APC: variants seen among roughly 807,000 people sequenced by gnomAD.
APC encodes the protein APC regulator of Wnt signaling pathway, also known as adenomatous polyposis coli protein.
In APC, 72 loss-of-function variants were observed where a neutral mutation model predicts 247.0. The observed-to-expected ratio is 0.29, with a 90% CI of 0.24 to 0.35. The LOEUF is 0.35. Ranked by LOEUF, APC falls within the 10% of genes least tolerant of loss-of-function variation. The pLI, the probability that APC is intolerant of heterozygous loss-of-function variation, is 1.00. For synonymous variants in APC, 1,254 were observed against 1,162.5 expected (o/e 1.08, Z -1.60); for missense variants, 3,400 against 3,360.7 (o/e 1.01, Z -0.29).
chr5:112,723,668 CA>C (rs1751607554), intron 1 of APC, among the ~76,000 whole-genome samples: 1 of 152,074 alleles, frequency 6.6e-6, no homozygotes, highest in Admixed American at 6.5e-5. Flanking sequence ...GCCCTGCCCA[CA>C]AAAAACCATT....
At chr5:112,719,835 G>A (rs555521594) in intron 1 of APC, among the ~76,000 whole-genome samples, 19 of 152,216 alleles carry the variant, frequency 1.2e-4, no homozygotes, top group Admixed American at 1.2e-3. Flanking sequence ...GCGCCACTGC[G>A]CCCAGCCAAT....
At chr5:112,836,642 CTTTAA>C (rs1377198173) in intron 15 of APC, among the ~76,000 whole-genome samples, 3 of 152,170 alleles carry the variant, frequency 2.0e-5, no homozygotes, top group Admixed American at 6.5e-5. Context: ...GTTTCAAAAA[CTTTAA>C]TTTACTTGAT....
At chr5:112,773,996 T>A (rs1373498486) in intron 4 of APC, among the ~76,000 whole-genome samples, 1 of 152,184 alleles carries the variant, frequency 6.6e-6, no homozygotes, top group Admixed American at 6.5e-5. Context: ...TGGTATAACA[T>A]CTCACAAGGG....
At chr5:112,783,581 C>T (rs1758597599) in intron 6 of APC, among the ~76,000 whole-genome samples, 1 of 149,612 alleles carries the variant, frequency 6.7e-6, no homozygotes, top group South Asian at 2.1e-4. Context: ...TCACTTGAGC[C>T]CAGGAGTTCG....
At chr5:112,835,277 T>C (rs1764762479) in intron 15 of APC, 112 bp downstream of exon 15, 2 of 927,114 alleles carry the variant, frequency 2.2e-6, no homozygotes, top group African/African-American at 3.3e-5. Flanking sequence ...AAAATATATT[T>C]ATTACTGTGA....
At chr5:112,782,263 C>T (rs1758432256) in intron 6 of APC, among the ~76,000 whole-genome samples, 1 of 152,096 alleles carries the variant, frequency 6.6e-6, no homozygotes, top group Non-Finnish European at 1.5e-5. Context: ...TATTTACTAT[C>T]ACAAGAACAG....
At chr5:112,708,708 T>G (rs746631958) in intron 1 of APC, among the ~76,000 whole-genome samples, 2 of 152,254 alleles carry the variant, frequency 1.3e-5, no homozygotes, top group Non-Finnish European at 2.9e-5. Context: ...TTGTTTCTAT[T>G]TAGAAAGGAC....
chr5:112,711,707 C>G (rs76969458), intron 1 of APC, among the ~76,000 whole-genome samples: 398 of 152,124 alleles, frequency 2.6e-3, no homozygotes, highest in African/African-American at 4.7e-3. Flanking sequence ...GGTGACAGAA[C>G]GAGACCCCAT....
At chr5:112,813,193 T>C (rs907289511) in intron 8 of APC, among the ~76,000 whole-genome samples, 3 of 152,234 alleles carry the variant, frequency 2.0e-5, no homozygotes, top group Non-Finnish European at 4.4e-5. Context: ...AAGATTAGTA[T>C]GTGATAAAAT....
At chr5:112,831,626 A>T (rs1282307856) in intron 14 of APC, among the ~76,000 whole-genome samples, 2 of 152,182 alleles carry the variant, frequency 1.3e-5, no homozygotes, top group Non-Finnish European at 2.9e-5. Flanking sequence ...GCTCCCCTGC[A>T]TGTTCCACAT....
At chr5:112,770,817 G>T (rs922264722) in intron 4 of APC, among the ~76,000 whole-genome samples, 7 of 151,964 alleles carry the variant, frequency 4.6e-5, no homozygotes, top group Admixed American at 6.6e-5. Context: ...TTTTAATTCT[G>T]TACCAATTCT....
intron 1 of APC, among the ~76,000 whole-genome samples, chr5:112,747,581 TA>T (rs1415736497): frequency 1.3e-5 from 2 of 152,220 alleles, no homozygotes; most frequent in African/African-American, 4.8e-5. Flanking sequence ...GCTAGTGAAT[TA>T]ATCTCCCAAA....
At chr5:112,818,827 G>A in intron 9 of APC, 139 bp from the exon 10 acceptor site, 6 of 868,610 alleles carry the variant, frequency 6.9e-6, no homozygotes, top group Non-Finnish European at 1.0e-5. Context: ...AGGTTTTCCG[G>A]TTTTTTGTTT....
intron 1 of APC, among the ~76,000 whole-genome samples, chr5:112,729,248 A>G (rs564560892): frequency 1.3e-5 from 2 of 152,306 alleles, no homozygotes; most frequent in East Asian, 3.9e-4. Flanking sequence ...CATGGGATTT[A>G]TATTCCACTT....
intron 1 of APC, 35 bp from the exon 2 acceptor site, chr5:112,754,838 A>G (rs968608082): frequency 6.2e-7 from 1 of 1,606,972 alleles, no homozygotes; most frequent in Non-Finnish European, 8.5e-7. Flanking sequence ...TAAATTTTTT[A>G]GTAGTGAATT....
intron 1 of APC, among the ~76,000 whole-genome samples, chr5:112,714,775 T>G (rs1378739191): frequency 1.3e-5 from 2 of 152,202 alleles, no homozygotes; most frequent in Non-Finnish European, 2.9e-5. Flanking sequence ...CTTTACAATC[T>G]ATATATCACA....
At chr5:112,823,980 C>A (rs1049503226) in intron 11 of APC, among the ~76,000 whole-genome samples, 11 of 152,146 alleles carry the variant, frequency 7.2e-5, no homozygotes, top group Non-Finnish European at 5.9e-5. Flanking sequence ...TCTTGTTGAG[C>A]CTGTGATATT....
At chr5:112,790,520 G>A (rs960613340) in intron 6 of APC, among the ~76,000 whole-genome samples, 2 of 152,174 alleles carry the variant, frequency 1.3e-5, no homozygotes, top group South Asian at 2.1e-4. Flanking sequence ...TAGTAGAGAC[G>A]GGGTTTCACT....
At chr5:112,788,966 T>A (rs1354485225) in intron 6 of APC, among the ~76,000 whole-genome samples, 6 of 152,186 alleles carry the variant, frequency 3.9e-5, no homozygotes, top group African/African-American at 1.4e-4. Context: ...ACAATGATAG[T>A]GGTCTTCTTT....
Sources: gnomAD v4.1 joint callset for allele counts (sites outside exome capture counted in the v4.1 genomes callset) on GRCh38, gnomAD v4.1.1 for gene constraint, MANE v1.5 for transcripts, NCBI Gene and HGNC (gene_info 2026-07-23, HGNC 2026-07-21) for gene names.